ZFP36L1: variants seen among roughly 807,000 people sequenced by gnomAD.
ZFP36L1 encodes mRNA decay activator protein ZFP36L1.
Under a neutral mutation model 16.7 loss-of-function variants are expected in ZFP36L1, and 4 were observed. The observed-to-expected ratio is 0.24, with a 90% CI of 0.12 to 0.55. The LOEUF is 0.55. Among genes scored for constraint, ZFP36L1 ranks in the 20% least tolerant of loss-of-function variants. ZFP36L1 has a pLI of 0.94. For synonymous variants in ZFP36L1, 220 were observed against 190.8 expected, an observed-to-expected ratio of 1.15 and a Z score of -1.26; for missense variants, 311 against 449.2, an observed-to-expected ratio of 0.69 and a Z score of 2.78.
upstream of ZFP36L1, chr14:68,796,090 C>G: frequency 7.3e-7 from 1 of 1,360,546 alleles, no homozygotes; most frequent in Non-Finnish European, 9.8e-7. Flanking sequence ...CTGCCGCTTC[C>G]GACCGGGAGG....
At chr14:68,791,559 A>G (rs573501888) in intron 1 of ZFP36L1, among the ~76,000 whole-genome samples, 411 of 149,848 alleles carry the variant, frequency 2.7e-3, no homozygotes, top group Non-Finnish European at 4.2e-3. Context: ...GCAGGGGGGG[A>G]CCGGGAATCT....
At position 68,789,771 on chromosome 14, in the gene ZFP36L1, C is replaced by CT; in HGVS notation, c.778dup (p.Ser260LysfsTer6). On this transcript the variant is annotated frameshift_variant, in exon 2 of 2. Coordinates refer to ENST00000439696, the MANE Select transcript of ZFP36L1 (RefSeq NM_004926.4). LOFTEE classifies it high-confidence loss of function. This position sits in a 1 kb window ranked among gnomAD's most constrained non-coding sequence, Gnocchi z 4.5. The stretch of plus-strand genomic sequence containing the variant: ...CAGCCCCATGCTAGGGGCAAAGAGG[C>CT]TTGCCAGCTCCTGGCTGGAGAAGGC... 1 of 1,613,858 alleles carries CT rather than the reference C, an allele frequency of 6.2e-7. No individual in the cohort carries two copies. Among genetic ancestry groups the CT allele is most frequent in the Non-Finnish European group, 8.5e-7 (1 of 1,179,960 alleles).
chr14:68,796,000 C>T (rs775184063), upstream of ZFP36L1: 4 of 1,322,154 alleles, frequency 3.0e-6, no homozygotes, highest in Admixed American at 2.2e-5. Context: ...GCGTGGCCGT[C>T]CCCCGCCAAC....
Position 68,788,672 on chromosome 14 carries a change from T to C in ZFP36L1, c.*861A>G, listed in dbSNP as rs1468361003. ...AGATGTCACATATGAACTGGGGAAC[T>C]TTAGCACCAAAATCAAGTCTCTCCT... On this transcript the variant is annotated 3_prime_UTR_variant, in exon 2 of 2. Coordinates refer to ENST00000439696, the MANE Select transcript of ZFP36L1 (RefSeq NM_004926.4). 6.6e-6 allele frequency: 1 copy of C among 152,400 alleles called. No homozygotes were observed. The highest frequency in any genetic ancestry group is 1.5e-5 in the Non-Finnish European group (1 of 67,996). The allele number at this position is 152,400 out of a possible 1,614,324, so 9.4% of individuals were successfully genotyped here. A position where few individuals can be genotyped will look rare whatever the true frequency, so the allele number is the denominator to read the frequency against.
upstream of ZFP36L1, chr14:68,795,911 C>T: frequency 9.7e-7 from 1 of 1,026,442 alleles, no homozygotes; most frequent in Non-Finnish European, 1.4e-6. Flanking sequence ...CCGACCCGCC[C>T]TCGCCCAGAC....
chr14:68,792,860 C>G (rs764408913), intron 1 of ZFP36L1, 22 bp downstream of exon 1: 1 of 1,613,958 alleles, frequency 6.2e-7, no homozygotes, highest in East Asian at 2.2e-5. Context: ...TTTTGAAAAG[C>G]AAATGCTCCG....
chr14:68,793,604 A>T, upstream of ZFP36L1: 23 of 985,904 alleles, frequency 2.3e-5, no homozygotes, highest in Non-Finnish European at 2.8e-5. Flanking sequence ...TTCCATCTTG[A>T]GCTGGCGGTC....
At chr14:68,790,525 G>A (rs773271136) in intron 1 of ZFP36L1, 33 bp from the exon 2 acceptor site, 13 of 1,610,746 alleles carry the variant, frequency 8.1e-6, no homozygotes, top group African/African-American at 1.3e-5. Flanking sequence ...GGTAAGGACA[G>A]AGGACATCCA....
chr14:68,789,726 G>A lies in ZFP36L1; in HGVS notation c.824C>T (p.Thr275Ile). ...GGACATGGGCCGGAAGAGGAAGGTG[G>A]TCGGGGAGCCACCCCCGGGCAGCCC... ...SMGLPGGGSP[T>I]TFLFRPMSES... Residue 275 changes from threonine (T) to isoleucine (I), a missense_variant, in exon 2 of 2, where the codon ACC (threonine) becomes ATC (isoleucine). By Grantham distance (89) the Thr-to-Ile change is moderately conservative. Transcript: ENST00000439696. This position sits in a 1 kb window ranked among gnomAD's most constrained non-coding sequence, Gnocchi z 4.5. 6.2e-7 allele frequency: 1 copy of A among 1,614,082 alleles called. No individual in the cohort carries two copies. Among genetic ancestry groups the A allele is most frequent in the Middle Eastern group, 1.7e-4 (1 of 6,056 alleles).
At chr14:68,793,688 C>T, upstream of ZFP36L1, 5 of 985,522 alleles carry the variant, frequency 5.1e-6, no homozygotes, top group Non-Finnish European at 6.0e-6. Flanking sequence ...CTCCCTTCGG[C>T]AAACCGGGCA....
At chr14:68,796,068 G>T, upstream of ZFP36L1, 1 of 1,349,794 alleles carries the variant, frequency 7.4e-7, no homozygotes, top group South Asian at 1.1e-5. Context: ...GCTGGCCGCC[G>T]CCTCACCTGC....
chr14:68,790,424 G>A lies in ZFP36L1; in HGVS notation c.126C>T (p.Gly42=). The A allele has an allele frequency of 1.2e-6, 2 of 1,614,048 alleles. No individual in the cohort carries two copies. Among genetic ancestry groups the A allele is most frequent in the South Asian group, 2.2e-5 (2 of 91,068 alleles). Residue 42 remains glycine, a synonymous_variant, in exon 2 of 2, where the codon GGC becomes GGT. Coordinates refer to ENST00000439696, the MANE Select transcript of ZFP36L1 (RefSeq NM_004926.4). ...GAGGGAAGCCCCCACCAGCAGGGGT[G>A]CCCACTGCCTTTCTGTCCAGCAGGC... is the stretch of plus-strand genomic sequence containing the variant. ...GGCLLDRKAV[G]TPAGGGFPRR... is the part of the protein sequence containing the mutation.
chr14:68,790,570 T>A, intron 1 of ZFP36L1, 78 bp from the exon 2 acceptor site: 1 of 1,557,850 alleles, frequency 6.4e-7, no homozygotes. Flanking sequence ...CCCTACACAA[T>A]CACAAACGCC....
rs1392156593 is a variant in ZFP36L1, at chr14:68,789,152, G to C, written c.*381C>G. 5.1e-6 allele frequency: 1 copy of C among 194,504 alleles called. No homozygotes were observed. The highest frequency in any genetic ancestry group is 2.3e-5 in the African/African-American group (1 of 42,664). The allele number at this position is 194,504 out of a possible 1,614,324, so 12.0% of individuals were successfully genotyped here. On this transcript the variant is annotated 3_prime_UTR_variant, in exon 2 of 2. Transcript: ENST00000439696. This position sits in a 1 kb window ranked among gnomAD's most constrained non-coding sequence, Gnocchi z 4.5. ...TAATGTAGTCACAGTGACAAAGTTA[G>C]ATTACAAGGCACTAAGTTGCTTCTG...
At chr14:68,792,276 T>C in intron 1 of ZFP36L1, among the ~76,000 whole-genome samples, 1 of 151,952 alleles carries the variant, frequency 6.6e-6, no homozygotes, top group East Asian at 1.9e-4. Context: ...ACCCCAAAGT[T>C]TGCTGCACGA....
chr14:68,795,681 C>T (rs1290504305), upstream of ZFP36L1: 2 of 466,998 alleles, frequency 4.3e-6, no homozygotes, highest in African/African-American at 4.0e-5. Flanking sequence ...CTGCGACTGG[C>T]CTAGCCCGCT....
upstream of ZFP36L1, chr14:68,793,804 G>T (rs374050734): frequency 7.9e-5 from 78 of 984,894 alleles, 1 homozygote; most frequent in East Asian, 6.8e-3. Context: ...CTGCTGGGGG[G>T]ACTAGGGAAA....
chr14:68,790,323 G>A lies in ZFP36L1; in HGVS notation c.227C>T (p.Ala76Val), dbSNP rs970172301. The A allele has an allele frequency of 2.5e-6, 4 of 1,610,330 alleles. No individual in the cohort carries two copies. Among genetic ancestry groups the A allele is most frequent in the East Asian group, 2.2e-5 (1 of 44,830 alleles). Residue 76 changes from alanine (A) to valine (V), a missense_variant, in exon 2 of 2, where the codon GCC (alanine) becomes GTC (valine). This residue lies in a region of ZFP36L1 where 137 missense variants were observed against 142.6 expected (regional missense o/e 0.96). Transcript: ENST00000439696. ...GCTGTCTCGCGAGCTCAGAGCGGGG[G>A]CTGGCTCACCCTTGAGGCTGCTGAG... ...QLLSSLKGEPAPALSSRDSRF... is the reference protein window; with the variant it reads ...QLLSSLKGEPVPALSSRDSRF...
At chr14:68,792,592 A>C (rs2140212242) in intron 1 of ZFP36L1, among the ~76,000 whole-genome samples, 1 of 152,146 alleles carries the variant, frequency 6.6e-6, no homozygotes, top group East Asian at 1.9e-4. Flanking sequence ...AACTTGTCCC[A>C]ATCCCAGCCC....
Sources: gnomAD v4.1 joint callset for allele counts (sites outside exome capture counted in the v4.1 genomes callset) on GRCh38, gnomAD v4.1.1 for gene constraint, gnomAD v4.1.1 regional missense constraint, Gnocchi (gnomAD v3.1) non-coding constraint, MANE v1.5 for transcripts, NCBI Gene and HGNC (gene_info 2026-07-23, HGNC 2026-07-21) for gene names.